KCNE1: variants seen among roughly 807,000 people sequenced by gnomAD.
KCNE1 encodes potassium voltage-gated channel subfamily E member 1.
Under a neutral mutation model 2.9 loss-of-function variants are expected in KCNE1, and 1 was observed. That is an observed-to-expected ratio of 0.34 (90% CI 0.12 to 1.62). The LOEUF (loss-of-function observed/expected upper bound fraction) is 1.62. KCNE1 is among the 40% of genes most tolerant of loss of function. KCNE1 has a pLI of 0.36. For synonymous variants in KCNE1, 23 were observed against 65.4 expected, an observed-to-expected ratio of 0.35 and a Z score of 3.13; for missense variants, 45 against 150.5, an observed-to-expected ratio of 0.30 and a Z score of 3.67.
At chr21:34,504,897 C>T (rs59152183) in intron 2 of KCNE1, among the ~76,000 whole-genome samples, 6,478 of 152,040 alleles carry the variant, frequency 0.043, 179 homozygotes, top group East Asian at 0.086. Flanking sequence ...GCTCAGCTTG[C>T]GAGGTGGGGG....
At chr21:34,502,012 C>A (rs1983198046) in intron 2 of KCNE1, among the ~76,000 whole-genome samples, 1 of 152,152 alleles carries the variant, frequency 6.6e-6, no homozygotes, top group Non-Finnish European at 1.5e-5. Flanking sequence ...GAGTCCCATA[C>A]CTTAGTGTAG....
At chr21:34,501,179 T>C (rs928253778) in intron 2 of KCNE1, among the ~76,000 whole-genome samples, 3 of 152,190 alleles carry the variant, frequency 2.0e-5, no homozygotes, top group African/African-American at 7.2e-5. Flanking sequence ...ATTGGAACCA[T>C]CCGAAATCTC....
Position 34,511,728 on chromosome 21 carries a change from C to T in KCNE1, c.-377+299G>A, listed in dbSNP as rs145314955. Among the ~76,000 whole-genome samples the T allele has an allele frequency of 1.3e-4, 20 of 152,318 alleles. No homozygotes were observed. The East Asian group carries it at 3.7e-3, about 28-fold the overall frequency. On this transcript the variant is annotated intron_variant, in intron 1 of 3. Transcript: ENST00000399286. ...TACAGAGCAGCAGTTAGAGGTCTGGCCTTCTGGATAGGCACTGCCCTGCCC... is the reference window on the plus strand; with the variant it reads ...TACAGAGCAGCAGTTAGAGGTCTGGTCTTCTGGATAGGCACTGCCCTGCCC...
intron 2 of KCNE1, among the ~76,000 whole-genome samples, chr21:34,497,456 A>T (rs1288017641): frequency 1.3e-5 from 2 of 152,152 alleles, no homozygotes; most frequent in Non-Finnish European, 2.9e-5. Context: ...ATTTTCCTGG[A>T]TACAAAATTC....
Position 34,511,089 on chromosome 21 carries a change from C to T in KCNE1, c.-162+12G>A, listed in dbSNP as rs933665274. ...AACTGAGGAAAGGGTCTGTGCAACC[C>T]CCTTCTCCTACCAGTTCTCGTTTCT... On this transcript the variant is annotated intron_variant, in intron 2 of 3. Transcript: ENST00000399286. The T allele has an allele frequency of 8.1e-5, 78 of 967,042 alleles. No homozygotes were observed. Among genetic ancestry groups the T allele is most frequent in the Non-Finnish European group, 9.3e-5 (76 of 813,246 alleles). 59.9% of individuals were successfully genotyped at this position (967,042 alleles called of 1,614,324 possible).
intron 2 of KCNE1, among the ~76,000 whole-genome samples, chr21:34,506,379 G>A (rs567376521): frequency 6.6e-6 from 1 of 152,202 alleles, no homozygotes; most frequent in Non-Finnish European, 1.5e-5. Flanking sequence ...CATGGAGGAT[G>A]AGAACCAATC....
chr21:34,511,617 T>C (rs1983842372), intron 1 of KCNE1, among the ~76,000 whole-genome samples: 1 of 152,212 alleles, frequency 6.6e-6, no homozygotes, highest in Non-Finnish European at 1.5e-5. Context: ...ACGGTGTGGT[T>C]TTCTGTGATG....
At chr21:34,504,316 G>C (rs1331210784) in intron 2 of KCNE1, among the ~76,000 whole-genome samples, 3 of 152,174 alleles carry the variant, frequency 2.0e-5, no homozygotes, top group African/African-American at 7.2e-5. Flanking sequence ...ATAAGTACAG[G>C]AAAAGATCCT....
At chr21:34,496,463 G>T (rs887712695) in intron 2 of KCNE1, among the ~76,000 whole-genome samples, 1 of 152,208 alleles carries the variant, frequency 6.6e-6, no homozygotes, top group Non-Finnish European at 1.5e-5. Context: ...ATGTATTTGT[G>T]TAGTTTTGAG....
chr21:34,449,138 CAA>C lies in KCNE1; in HGVS notation c.*105_*106del, dbSNP rs935577017. The C allele has an allele frequency of 2.0e-6, 1 of 501,338 alleles. No homozygotes were observed. The highest frequency in any genetic ancestry group is 2.1e-5 in the African/African-American group (1 of 47,922). The allele number at this position is 501,338 out of a possible 1,614,324, so 31.1% of individuals were successfully genotyped here. ...TCCACCCCTCACCCCTTACAACAGC[CAA>C]AAAGAAATCCAGTGGTATCCATCAC... On this transcript the variant is annotated 3_prime_UTR_variant, in exon 4 of 4. Coordinates refer to ENST00000399286, the MANE Select transcript of KCNE1 (RefSeq NM_000219.6).
intron 2 of KCNE1, among the ~76,000 whole-genome samples, chr21:34,495,669 G>T (rs910927961): frequency 6.0e-5 from 9 of 150,240 alleles, no homozygotes; most frequent in Non-Finnish European, 1.5e-5. Context: ...GTGTGTAAAG[G>T]TATTCATAGT....
intron 2 of KCNE1, among the ~76,000 whole-genome samples, chr21:34,504,683 A>C (rs758679008): frequency 5.3e-5 from 8 of 152,220 alleles, no homozygotes; most frequent in Non-Finnish European, 1.2e-4. Context: ...GAACTGACAC[A>C]ATGTGGTCTA....
At position 34,504,538 on chromosome 21, in the gene KCNE1, G is replaced by A. The variant is rs73365387; in HGVS notation, c.-162+6563C>T. 2.6e-3 allele frequency among the ~76,000 whole-genome samples: 389 copies of A among 152,248 alleles called. 2 individuals are homozygous for A. Among genetic ancestry groups the A allele is most frequent in the African/African-American group, 8.9e-3 (371 of 41,522 alleles). On this transcript the variant is annotated intron_variant, in intron 2 of 3. Coordinates refer to ENST00000399286, the MANE Select transcript of KCNE1 (RefSeq NM_000219.6). ...AATGTTAAACACAGAGCTATCACAG[G>A]ACTCAGCAATTCCACTCCTACATAT...
intron 2 of KCNE1, among the ~76,000 whole-genome samples, chr21:34,500,905 C>T (rs1472826831): frequency 1.3e-5 from 2 of 152,172 alleles, no homozygotes; most frequent in South Asian, 2.1e-4. Flanking sequence ...TTGGTGGACA[C>T]CTGAAAAACT....
chr21:34,504,081 G>A (rs1257330134), intron 2 of KCNE1, among the ~76,000 whole-genome samples: 10 of 152,316 alleles, frequency 6.6e-5, no homozygotes, highest in Non-Finnish European at 2.9e-5. Context: ...TCTGTCAGCT[G>A]AGCTCACATG....
At chr21:34,498,642 G>A (rs2123506554) in intron 2 of KCNE1, among the ~76,000 whole-genome samples, 1 of 152,382 alleles carries the variant, frequency 6.6e-6, no homozygotes, top group South Asian at 2.1e-4. Context: ...GCCTTTGGTT[G>A]TAGATATCTT....
chr21:34,511,796 C>T (rs948985036), intron 1 of KCNE1, among the ~76,000 whole-genome samples: 7 of 152,188 alleles, frequency 4.6e-5, no homozygotes, highest in South Asian at 2.1e-4. Context: ...CTCTTCACCA[C>T]GCTGCCCTCA....
intron 2 of KCNE1, among the ~76,000 whole-genome samples, chr21:34,504,050 G>T (rs1983325342): frequency 6.6e-6 from 1 of 152,218 alleles, no homozygotes; most frequent in African/African-American, 2.4e-5. Flanking sequence ...CACCTAAACA[G>T]CTGGTGTGTG....
chr21:34,502,654 A>T lies in KCNE1; in HGVS notation c.-162+8447T>A, dbSNP rs192092387. 2.6e-4 allele frequency among the ~76,000 whole-genome samples: 39 copies of T among 152,274 alleles called. No individual in the cohort carries two copies. In the East Asian group the frequency reaches 7.3e-3, roughly 29 times the overall value. The stretch of plus-strand genomic sequence containing the variant: ...CTCACTCACCTGACTCCACCTGATG[A>T]CTTGACCTATTTGTTCCTCCATCAG... On this transcript the variant is annotated intron_variant, in intron 2 of 3. Coordinates refer to ENST00000399286, the MANE Select transcript of KCNE1 (RefSeq NM_000219.6).
Sources: allele counts gnomAD v4.1 joint callset (sites outside exome capture counted in the v4.1 genomes callset), GRCh38; gene constraint gnomAD v4.1.1; transcripts MANE v1.5; gene names NCBI Gene and HGNC (gene_info 2026-07-23, HGNC 2026-07-21).